Variants in RSU1 observed in about 807,000 individuals in gnomAD.
RSU1 encodes Ras suppressor protein 1.
A neutral mutation model predicts 31.1 loss-of-function variants in RSU1; 26 were observed. The observed-to-expected ratio is 0.84, with a 90% CI of 0.61 to 1.16. The LOEUF is 1.16. Among genes scored for constraint, RSU1 ranks in the 50% most tolerant of loss-of-function variants. RSU1 has a pLI of 0.00. For missense variants in RSU1, 320 were observed against 339.1 expected (o/e 0.94, Z 0.44); for synonymous variants, 164 against 136.3 (o/e 1.20, Z -1.41).
rs549725898 is a variant in RSU1, at chr10:16,652,265, A to G, written c.731+42758T>C. Among the ~76,000 whole-genome samples, 8 of 152,210 alleles carry G rather than the reference A, an allele frequency of 5.3e-5. 1 individual carries two copies. In the South Asian group the frequency reaches 1.7e-3, roughly 32 times the overall value. On this transcript the variant is annotated intron_variant, in intron 8 of 8. Coordinates refer to ENST00000345264, the MANE Select transcript of RSU1 (RefSeq NM_012425.4). ...GAAAAACTGGAAAATTCTCATAGAA[A>G]AAGAAAGCAAACTTTTTCCTCTTCA...
intron 8 of RSU1, among the ~76,000 whole-genome samples, chr10:16,608,430 A>G (rs971868134): frequency 8.6e-5 from 13 of 151,772 alleles, no homozygotes; most frequent in African/African-American, 1.2e-4. Context: ...TACTACCTAC[A>G]TGTGCATTAT....
chr10:16,622,417 C>T lies in RSU1; in HGVS notation c.732-28921G>A, dbSNP rs1374023307. ...TAGGGAAGCGTTCTAAAGAGGGCAA[C>T]TGATGTTGACTTTAGAACAGCAGGC... is the stretch of plus-strand genomic sequence containing the variant. On this transcript the variant is annotated intron_variant, in intron 8 of 8. Coordinates refer to ENST00000345264, the MANE Select transcript of RSU1 (RefSeq NM_012425.4). Among the ~76,000 whole-genome samples, 4 of 152,162 alleles carry T rather than the reference C, an allele frequency of 2.6e-5. No homozygotes were observed. In the East Asian group the frequency reaches 7.7e-4, roughly 29 times the overall value.
intron 8 of RSU1, among the ~76,000 whole-genome samples, chr10:16,613,758 A>T (rs2131470694): frequency 6.6e-6 from 1 of 152,250 alleles, no homozygotes; most frequent in African/African-American, 2.4e-5. Context: ...CATCAGAGAA[A>T]AGCTGAGAAG....
At chr10:16,662,328 A>G (rs1462670101) in intron 8 of RSU1, among the ~76,000 whole-genome samples, 1 of 152,180 alleles carries the variant, frequency 6.6e-6, no homozygotes, top group Non-Finnish European at 1.5e-5. Flanking sequence ...AATTTTTTGA[A>G]TGGATTTCTG....
chr10:16,621,560 G>A (rs2131479610), intron 8 of RSU1, among the ~76,000 whole-genome samples: 1 of 152,264 alleles, frequency 6.6e-6, no homozygotes, highest in East Asian at 1.9e-4. Flanking sequence ...TAATTTATCA[G>A]GAAAAAGAGG....
rs1833519963 is a variant in RSU1, at chr10:16,592,307, G to T, written c.*1087C>A. The T allele has an allele frequency of 6.6e-6, 1 of 152,072 alleles. No individual in the cohort carries two copies. The allele number at this position is 152,072 out of a possible 1,614,324, so 9.4% of individuals were successfully genotyped here. A position where few individuals can be genotyped will look rare whatever the true frequency, so the allele number is the denominator to read the frequency against. ...CATTTTTTTTGTGTCGGCCTTCTGG[G>T]GTTGACAGCCCTTTCAGTGAGCACA... On this transcript the variant is annotated 3_prime_UTR_variant, in exon 9 of 9. Coordinates refer to ENST00000345264, the MANE Select transcript of RSU1 (RefSeq NM_012425.4).
intron 8 of RSU1, among the ~76,000 whole-genome samples, chr10:16,663,069 A>G (rs1292194504): frequency 2.0e-5 from 3 of 152,200 alleles, no homozygotes; most frequent in Middle Eastern, 3.4e-3. Flanking sequence ...CGTAAAGAAA[A>G]GCCCATTCAT....
intron 8 of RSU1, among the ~76,000 whole-genome samples, chr10:16,598,940 A>G (rs1217039789): frequency 6.6e-6 from 1 of 152,208 alleles, no homozygotes; most frequent in Non-Finnish European, 1.5e-5. Context: ...AGATGGAAAA[A>G]TGAAAGAACC....
intron 2 of RSU1, among the ~76,000 whole-genome samples, chr10:16,816,161 C>A (rs1838525819): frequency 6.6e-6 from 1 of 152,198 alleles, no homozygotes; most frequent in Non-Finnish European, 1.5e-5. Flanking sequence ...TAAAAATTAG[C>A]AAATTTCACA....
chr10:16,743,563 C>G (rs1380149436), intron 7 of RSU1, among the ~76,000 whole-genome samples: 1 of 152,178 alleles, frequency 6.6e-6, no homozygotes, highest in Non-Finnish European at 1.5e-5. Flanking sequence ...CAAAGTCAAT[C>G]TTATTCATGC....
chr10:16,622,262 G>A (rs1480985118), intron 8 of RSU1, among the ~76,000 whole-genome samples: 3 of 152,170 alleles, frequency 2.0e-5, no homozygotes, highest in African/African-American at 7.2e-5. Flanking sequence ...TGATGATGAC[G>A]TGAGGTCAAC....
At chr10:16,628,124 G>A (rs1286308919) in intron 8 of RSU1, among the ~76,000 whole-genome samples, 5 of 152,106 alleles carry the variant, frequency 3.3e-5, no homozygotes, top group African/African-American at 4.8e-5. Context: ...AACCACTTAC[G>A]ACACATATTT....
intron 8 of RSU1, among the ~76,000 whole-genome samples, chr10:16,653,835 T>A (rs769707878): frequency 6.6e-6 from 1 of 152,074 alleles, no homozygotes; most frequent in Non-Finnish European, 1.5e-5. Context: ...GAGGGGAGAT[T>A]GAATTATCAA....
chr10:16,744,167 A>G (rs1450530132), intron 7 of RSU1, among the ~76,000 whole-genome samples: 3 of 152,056 alleles, frequency 2.0e-5, no homozygotes, highest in African/African-American at 7.2e-5. Context: ...AAGATTTCAT[A>G]TAAGAGCTGA....
At chr10:16,685,379 A>G (rs1303108969) in intron 8 of RSU1, among the ~76,000 whole-genome samples, 2 of 152,228 alleles carry the variant, frequency 1.3e-5, no homozygotes, top group East Asian at 3.8e-4. Flanking sequence ...CACAGAGTAA[A>G]GTTAAAGGAA....
chr10:16,693,815 T>G (rs1835616749), intron 8 of RSU1, among the ~76,000 whole-genome samples: 1 of 152,182 alleles, frequency 6.6e-6, no homozygotes, highest in African/African-American at 2.4e-5. Context: ...TGAGCCGTGA[T>G]TGTGCCACTG....
intron 8 of RSU1, among the ~76,000 whole-genome samples, chr10:16,653,670 T>C (rs980636288): frequency 1.3e-4 from 20 of 152,134 alleles, no homozygotes; most frequent in African/African-American, 4.8e-4. Context: ...TGAGTATTAT[T>C]TTTTATTTCA....
At chr10:16,676,960 C>A (rs1028882862) in intron 8 of RSU1, among the ~76,000 whole-genome samples, 1 of 152,124 alleles carries the variant, frequency 6.6e-6, no homozygotes, top group Non-Finnish European at 1.5e-5. Flanking sequence ...AAGGAGCTGG[C>A]AGTAGGAATA....
intron 7 of RSU1, among the ~76,000 whole-genome samples, chr10:16,724,938 C>T (rs557438413): frequency 1.8e-4 from 28 of 152,282 alleles, no homozygotes; most frequent in African/African-American, 6.3e-4. Flanking sequence ...TGAATGGTTC[C>T]GTTCATGTAG....
Sources: gnomAD v4.1 joint callset for allele counts (sites outside exome capture counted in the v4.1 genomes callset) on GRCh38, gnomAD v4.1.1 for gene constraint, MANE v1.5 for transcripts, NCBI Gene and HGNC (gene_info 2026-07-23, HGNC 2026-07-21) for gene names.